The following PTGR2 variants were observed in gnomAD, a reference collection of about 807,000 sequenced individuals.
PTGR2 encodes the protein 15-oxoprostaglandin 13-reductase.
Under a neutral mutation model 43.4 loss-of-function variants are expected in PTGR2, and 32 were observed. The ratio of observed to expected loss-of-function variants is 0.74; its 90% CI spans 0.56 to 0.99. The LOEUF is 0.99. PTGR2 is among the 50% of genes least tolerant of loss of function. The probability of loss-of-function intolerance (pLI) is 0.00; values close to 1 mark genes in which losing one functional copy is unlikely to be tolerated. For missense variants in PTGR2, 373 were observed against 420.0 expected, an observed-to-expected ratio of 0.89 and a Z score of 0.98; for synonymous variants, 106 against 139.2, an observed-to-expected ratio of 0.76 and a Z score of 1.68.
intron 2 of PTGR2, 120 bp downstream of exon 2, chr14:73,859,019 AAAGAT>A (rs1437853248): frequency 1.5e-6 from 1 of 683,790 alleles, no homozygotes; most frequent in African/African-American, 1.8e-5. Flanking sequence ...TGACACTAGT[AAAGAT>A]ATTAGAAGAA....
rs755954716 is a variant in PTGR2, at chr14:73,882,409, C to T, written c.950C>T (p.Thr317Met). Residue 317 changes from threonine to methionine, a missense_variant, in exon 9 of 10, where the codon ACG becomes ATG. Physicochemically the swap from Thr to Met is moderately conservative, Grantham distance 81. Transcript: ENST00000555661. ...TATTTTGATTTACAGATTAAAGAGA[C>T]GGTAATAAATGGGTTGGAAAACATG... is the stretch of plus-strand genomic sequence containing the variant. ...FKEGKLKIKETVINGLENMGA... is the reference protein window; with the variant it reads ...FKEGKLKIKEMVINGLENMGA... 82 of 1,570,428 alleles carry T rather than the reference C, an allele frequency of 5.2e-5. No homozygotes were observed. Among genetic ancestry groups the T allele is most frequent in the South Asian group, 3.5e-4 (31 of 89,828 alleles).
At chr14:73,855,202 A>C (rs1306144084) in intron 1 of PTGR2, among the ~76,000 whole-genome samples, 1 of 152,216 alleles carries the variant, frequency 6.6e-6, no homozygotes, top group Non-Finnish European at 1.5e-5. Flanking sequence ...CTGAAACGTC[A>C]GGAAATTTGA....
chr14:73,882,800 C>CTTTTTTT lies in PTGR2; in HGVS notation c.979+394_979+400dup, dbSNP rs35651032. Among the ~76,000 whole-genome samples, 8 of 41,826 alleles carry CTTTTTTT rather than the reference C, an allele frequency of 1.9e-4. 3 individuals carry two copies. The highest frequency in any genetic ancestry group is 5.7e-4 in the East Asian group (1 of 1,750). 27.4% of individuals were successfully genotyped at this position (41,826 alleles called of 152,430 possible). A position where few individuals can be genotyped will look rare whatever the true frequency, so the allele number is the denominator to read the frequency against. ...CAAGCGTGAGCCACCACGCCTGGCC[C>CTTTTTTT]TTTTTTTTTTTTTTTTTTTTTTTTT... On this transcript the variant is annotated intron_variant, in intron 9 of 9. Coordinates refer to ENST00000555661, the MANE Select transcript of PTGR2 (RefSeq NM_001146154.2).
chr14:73,882,800 C>CTTTT lies in PTGR2; in HGVS notation c.979+397_979+400dup, dbSNP rs35651032. On this transcript the variant is annotated intron_variant, in intron 9 of 9. Transcript: ENST00000555661. ...CAAGCGTGAGCCACCACGCCTGGCC[C>CTTTT]TTTTTTTTTTTTTTTTTTTTTTTTT... 2.4e-3 allele frequency among the ~76,000 whole-genome samples: 99 copies of CTTTT among 41,868 alleles called. 22 individuals are homozygous for CTTTT. Among genetic ancestry groups the CTTTT allele is most frequent in the Non-Finnish European group, 3.7e-3 (81 of 21,900 alleles). The allele number at this position is 41,868 out of a possible 152,430, so 27.5% of individuals were successfully genotyped here.
At position 73,882,105 on chromosome 14, in the gene PTGR2, T is replaced by G. The variant is rs547636249; in HGVS notation, c.940-294T>G. On this transcript the variant is annotated intron_variant, in intron 8 of 9. Coordinates refer to ENST00000555661, the MANE Select transcript of PTGR2 (RefSeq NM_001146154.2). ...ACTGGCCTAGGCTATTCTTGAAACC[T>G]GCAAATGATAAGCAAAGTTGTACCT... Among the ~76,000 whole-genome samples, 3 of 152,264 alleles carry G rather than the reference T, an allele frequency of 2.0e-5. No individual in the cohort carries two copies. The South Asian group carries it at 6.2e-4, about 32-fold the overall frequency.
chr14:73,880,626 T>G (rs1023935953), intron 7 of PTGR2, among the ~76,000 whole-genome samples: 1 of 151,728 alleles, frequency 6.6e-6, no homozygotes, highest in Non-Finnish European at 1.5e-5. Flanking sequence ...AAAATACACA[T>G]TTTTTAAGCT....
chr14:73,874,217 G>GAT lies in PTGR2; in HGVS notation c.348+12_348+13dup, dbSNP rs752741207. On this transcript the variant is annotated splice_donor_region_variant and intron_variant, in intron 4 of 9. Transcript: ENST00000555661. ...TGGATGGAAATAGCCTTGAAAAGGT[G>GAT]ATATATATATGAACATATCTGATTT... 2.1e-5 allele frequency: 33 copies of GAT among 1,601,208 alleles called. No individual in the cohort carries two copies. Among genetic ancestry groups the GAT allele is most frequent in the East Asian group, 1.3e-4 (6 of 44,758 alleles).
intron 7 of PTGR2, 56 bp from the exon 8 acceptor site, chr14:73,881,149 T>C: frequency 9.5e-7 from 1 of 1,049,494 alleles, no homozygotes; most frequent in Non-Finnish European, 1.5e-6. Context: ...GGTTTGATCT[T>C]GGAATACCAC....
At chr14:73,882,495 CTT>C in intron 9 of PTGR2, 57 bp downstream of exon 9, 1 of 1,168,146 alleles carries the variant, frequency 8.6e-7, no homozygotes, top group Non-Finnish European at 1.3e-6. Flanking sequence ...GATAAAGTCT[CTT>C]TATTTTTATT....
chr14:73,878,565 G>C, intron 5 of PTGR2: 1 of 352,220 alleles, frequency 2.8e-6, no homozygotes, highest in Non-Finnish European at 5.4e-6. Flanking sequence ...ACTCTCTCGA[G>C]ATGCTGGGCA....
At position 73,874,617 on chromosome 14, in the gene PTGR2, T is replaced by C. The variant is rs556758017; in HGVS notation, c.348+403T>C. ...TGTCACTGTGTTGCCCCGGCTGGTCTCAAACTCCTAGGCTCAAGCAATCCT... is the reference window on the plus strand; with the variant it reads ...TGTCACTGTGTTGCCCCGGCTGGTCCCAAACTCCTAGGCTCAAGCAATCCT... On this transcript the variant is annotated intron_variant, in intron 4 of 9. Coordinates refer to ENST00000555661, the MANE Select transcript of PTGR2 (RefSeq NM_001146154.2). 2.4e-4 allele frequency: 110 copies of C among 455,974 alleles called. 1 individual carries two copies. The highest frequency in any genetic ancestry group is 1.7e-3 in the South Asian group (107 of 64,580). The allele number at this position is 455,974 out of a possible 1,614,324, so 28.2% of individuals were successfully genotyped here. A position where few individuals can be genotyped will look rare whatever the true frequency, so the allele number is the denominator to read the frequency against.
At chr14:73,872,330 C>T (rs916878074) in intron 3 of PTGR2, among the ~76,000 whole-genome samples, 1 of 152,110 alleles carries the variant, frequency 6.6e-6, no homozygotes, top group South Asian at 2.1e-4. Context: ...GGGTTATTTC[C>T]ACTGGGGAGA....
At chr14:73,855,497 A>G (rs896267120) in intron 1 of PTGR2, among the ~76,000 whole-genome samples, 1 of 151,968 alleles carries the variant, frequency 6.6e-6, no homozygotes, top group Non-Finnish European at 1.5e-5. Context: ...CCCAGACTGG[A>G]GTACAGTGGC....
intron 1 of PTGR2, among the ~76,000 whole-genome samples, chr14:73,854,172 G>A (rs936257154): frequency 6.6e-6 from 1 of 151,692 alleles, no homozygotes. Flanking sequence ...GATCAGTTTC[G>A]GCTCACTGCA....
intron 3 of PTGR2, among the ~76,000 whole-genome samples, chr14:73,865,037 AACACACACAT>A (rs2054571621): frequency 6.6e-6 from 1 of 152,160 alleles, no homozygotes; most frequent in African/African-American, 2.4e-5. Flanking sequence ...CAGAAACACA[AACACACACAT>A]AGGCATGCAC....
chr14:73,854,137 T>C (rs2054291248), intron 1 of PTGR2, among the ~76,000 whole-genome samples: 1 of 152,126 alleles, frequency 6.6e-6, no homozygotes, highest in African/African-American at 2.4e-5. Flanking sequence ...AGTTTCGCTC[T>C]TGTCCCCCAG....
intron 5 of PTGR2, 42 bp downstream of exon 5, chr14:73,877,210 G>A (rs375575310): frequency 3.5e-4 from 532 of 1,524,778 alleles, no homozygotes; most frequent in Non-Finnish European, 4.6e-4. Context: ...ATTATTTGAC[G>A]ATTGTTATAA....
At chr14:73,852,636 G>A (rs2054256463) in intron 1 of PTGR2, among the ~76,000 whole-genome samples, 1 of 152,152 alleles carries the variant, frequency 6.6e-6, no homozygotes, top group African/African-American at 2.4e-5. Context: ...TTCTGGGCTA[G>A]AGACGCAAAT....
chr14:73,879,110 A>T lies in PTGR2; in HGVS notation c.534A>T (p.Leu178Phe). The T allele has an allele frequency of 6.2e-7, 1 of 1,613,974 alleles. No homozygotes were observed. The highest frequency in any genetic ancestry group is 8.5e-7 in the Non-Finnish European group (1 of 1,179,918). ...GSVAGQIGHF[L>F]GCSRVVGICG... Reference sequence around the variant, plus strand: ...TTCCCCCCTAGATTGGCCATTTCTTAGGTTGTTCCAGAGTGGTGGGAATTT... The same window carrying T: ...TTCCCCCCTAGATTGGCCATTTCTTTGGTTGTTCCAGAGTGGTGGGAATTT... The change falls in exon 6 of 10, where the codon TTA becomes TTT. Residue 178 changes from leucine to phenylalanine, a missense_variant. Physicochemically the swap from Leu to Phe is conservative, Grantham distance 22 (BLOSUM62 0). Coordinates refer to ENST00000555661, the MANE Select transcript of PTGR2 (RefSeq NM_001146154.2).
Sources: allele counts gnomAD v4.1 joint callset (sites outside exome capture counted in the v4.1 genomes callset), GRCh38; gene constraint gnomAD v4.1.1; transcripts MANE v1.5; gene names NCBI Gene and HGNC (gene_info 2026-07-23, HGNC 2026-07-21).